KCNU1: variants seen among roughly 807,000 people sequenced by gnomAD.
KCNU1 encodes potassium calcium-activated channel subfamily U member 1, also known as potassium channel subfamily U member 1.
Under a neutral mutation model 126.8 loss-of-function variants are expected in KCNU1, and 93 were observed. That is an observed-to-expected ratio of 0.73 (90% CI 0.62 to 0.87). The LOEUF (loss-of-function observed/expected upper bound fraction) is 0.87, where lower values mean the gene tolerates loss of function less well. Among genes scored for constraint, KCNU1 ranks in the 40% least tolerant of loss-of-function variants. The pLI is 0.00. For missense variants in KCNU1, 1,330 were observed against 1,367.1 expected (o/e 0.97, Z 0.43); for synonymous variants, 523 against 494.2 (o/e 1.06, Z -0.77).
At chr8:36,849,054 A>G (rs964980290) in intron 18 of KCNU1, among the ~76,000 whole-genome samples, 1 of 152,156 alleles carries the variant, frequency 6.6e-6, no homozygotes, top group African/African-American at 2.4e-5. Context: ...CATCACTACA[A>G]TCAATTTTAG....
At chr8:36,928,675 G>A (rs1808604506) in intron 24 of KCNU1, among the ~76,000 whole-genome samples, 1 of 152,044 alleles carries the variant, frequency 6.6e-6, no homozygotes, top group Admixed American at 6.6e-5. Context: ...ATATTTATTT[G>A]TTAAAAATTA....
chr8:36,815,536 T>C (rs1803876738), intron 8 of KCNU1, 60 bp from the exon 9 acceptor site: 3 of 824,078 alleles, frequency 3.6e-6, no homozygotes, highest in Non-Finnish European at 5.8e-6. Context: ...AATCTTGAAA[T>C]TTTTGGAGTA....
intron 18 of KCNU1, among the ~76,000 whole-genome samples, chr8:36,859,821 C>T (rs2211728): frequency 0.11 from 16,800 of 152,050 alleles, 1,265 homozygotes; most frequent in Non-Finnish European, 0.16. Context: ...GAAATGTTGA[C>T]AATAACATTG....
chr8:36,932,028 A>G (rs1351136889), intron 25 of KCNU1, among the ~76,000 whole-genome samples: 1 of 152,086 alleles, frequency 6.6e-6, no homozygotes, highest in East Asian at 1.9e-4. Flanking sequence ...AGGCTGTTCC[A>G]AGGAAACATC....
intron 2 of KCNU1, chr8:36,795,638 C>G (rs907873609): frequency 4.6e-5 from 7 of 152,450 alleles, no homozygotes; most frequent in African/African-American, 1.4e-4. Flanking sequence ...TTCCCTGAGT[C>G]TGTGTCCTGA....
In KCNU1 at chr8:36,922,589, C is replaced by G. The variant is rs745941211; in HGVS notation, c.2696C>G (p.Thr899Ser). 1 of 1,613,694 alleles carries G rather than the reference C, an allele frequency of 6.2e-7. No individual in the cohort carries two copies. Among genetic ancestry groups the G allele is most frequent in the East Asian group, 2.2e-5 (1 of 44,824 alleles). The part of the protein sequence containing the change: ...LHLSTAFSTG[T>S]VFSGSFLDSL... ...CTCAGCACTGCCTTTTCTACGGGCA[C>G]TGTTTTTTCCGGCAGCTTCTTGGAT... Residue 899 changes from threonine (T) to serine (S), a missense_variant, in exon 24 of 27, where the codon ACT becomes AGT. Physicochemically the swap from Thr to Ser is moderately conservative, Grantham distance 58 (BLOSUM62 1). This residue lies in a region of KCNU1 where 1,054 missense variants were observed against 1,053.9 expected (regional missense o/e 1.00). Coordinates refer to ENST00000399881, the MANE Select transcript of KCNU1 (RefSeq NM_001031836.3).
intron 18 of KCNU1, among the ~76,000 whole-genome samples, chr8:36,857,518 CTG>C (rs1469545362): frequency 1.3e-5 from 2 of 152,178 alleles, no homozygotes; most frequent in Non-Finnish European, 2.9e-5. Flanking sequence ...AGGAAGCAGT[CTG>C]TGGTTCAAGT....
At chr8:36,927,184 T>A (rs1808561674) in intron 24 of KCNU1, among the ~76,000 whole-genome samples, 2 of 152,132 alleles carry the variant, frequency 1.3e-5, no homozygotes, top group Non-Finnish European at 2.9e-5. Context: ...TTCAGGCAAT[T>A]TTAAAAATTC....
chr8:36,864,536 G>A lies in KCNU1; in HGVS notation c.2009+15G>A, dbSNP rs1386463513. ...TTCACCACCAGGTAAAAGCTGCAGAGAACCCTGGTCTCCTATAGTTTTTTT... is the reference window on the plus strand; with the variant it reads ...TTCACCACCAGGTAAAAGCTGCAGAAAACCCTGGTCTCCTATAGTTTTTTT... On this transcript the variant is annotated intron_variant, in intron 19 of 26. Coordinates refer to ENST00000399881, the MANE Select transcript of KCNU1 (RefSeq NM_001031836.3). 2 of 1,451,490 alleles carry A rather than the reference G, an allele frequency of 1.4e-6. No homozygotes were observed. The highest frequency in any genetic ancestry group is 1.4e-5 in the African/African-American group (1 of 71,736). The allele number at this position is 1,451,490 out of a possible 1,614,324, so 89.9% of individuals were successfully genotyped here. A position where few individuals can be genotyped will look rare whatever the true frequency, so the allele number is the denominator to read the frequency against.
In KCNU1 at chr8:36,796,091, A is replaced by G. The variant is rs557187754; in HGVS notation, c.316-7936A>G. Reference sequence around the variant, plus strand: ...GTAATGCTCTTATTTTTATTGATGCATAATTCATCTTTTCAGTTGTTTAAA... The same window carrying G: ...GTAATGCTCTTATTTTTATTGATGCGTAATTCATCTTTTCAGTTGTTTAAA... On this transcript the variant is annotated intron_variant, in intron 2 of 26. Transcript: ENST00000399881. Among the ~76,000 whole-genome samples the G allele has an allele frequency of 7.9e-5, 12 of 152,336 alleles. No individual in the cohort carries two copies. The East Asian group carries it at 2.1e-3, about 27-fold the overall frequency.
In KCNU1 at chr8:36,916,353, AGAAG is replaced by A. The variant is rs143444267; in HGVS notation, c.2522-2453_2522-2450del. On this transcript the variant is annotated intron_variant, in intron 22 of 26. Coordinates refer to ENST00000399881, the MANE Select transcript of KCNU1 (RefSeq NM_001031836.3). ...AGGGAAGGGAAAGGAAAGGAAGAAA[AGAAG>A]GAAGGAAGGAAGGAAGACAGGGAGG... is the stretch of plus-strand genomic sequence containing the variant. Among the ~76,000 whole-genome samples, 1,109 of 149,298 alleles carry A rather than the reference AGAAG, an allele frequency of 7.4e-3. 11 individuals are homozygous for A. Among genetic ancestry groups the A allele is most frequent in the African/African-American group, 0.022 (879 of 40,592 alleles).
In KCNU1 at chr8:36,924,004, G is replaced by A. The variant is rs565725437; in HGVS notation, c.2736+1375G>A. Among the ~76,000 whole-genome samples, 4 of 152,314 alleles carry A rather than the reference G, an allele frequency of 2.6e-5. No individual in the cohort carries two copies. The East Asian group carries it at 7.7e-4, about 29-fold the overall frequency. On this transcript the variant is annotated intron_variant, in intron 24 of 26. Coordinates refer to ENST00000399881, the MANE Select transcript of KCNU1 (RefSeq NM_001031836.3). ...TTGACAGGAGGCTTTAGAGTAAGGAGCTATTATTCCTGGTGTCTATTATTT... is the reference window on the plus strand; with the variant it reads ...TTGACAGGAGGCTTTAGAGTAAGGAACTATTATTCCTGGTGTCTATTATTT...
chr8:36,806,385 G>A lies in KCNU1; in HGVS notation c.580+5G>A. 1 of 1,468,648 alleles carries A rather than the reference G, an allele frequency of 6.8e-7. No homozygotes were observed. Among genetic ancestry groups the A allele is most frequent in the East Asian group, 2.3e-5 (1 of 43,532 alleles). The allele number at this position is 1,468,648 out of a possible 1,614,324, so 91.0% of individuals were successfully genotyped here. ...ATTTGAAGAGCAATTGGCTAGGTAAGTGTGCTCTGGGAACGGGTAGCAATA... is the reference window on the plus strand; with the variant it reads ...ATTTGAAGAGCAATTGGCTAGGTAAATGTGCTCTGGGAACGGGTAGCAATA... On this transcript the variant is annotated splice_donor_5th_base_variant and intron_variant, in intron 5 of 26. Coordinates refer to ENST00000399881, the MANE Select transcript of KCNU1 (RefSeq NM_001031836.3).
chr8:36,866,763 GAATC>G (rs1171312804), intron 19 of KCNU1, among the ~76,000 whole-genome samples: 4 of 152,186 alleles, frequency 2.6e-5, no homozygotes, highest in South Asian at 2.1e-4. Flanking sequence ...CACATAAAAT[GAATC>G]AGAGGCCAAA....
intron 18 of KCNU1, among the ~76,000 whole-genome samples, chr8:36,853,882 G>A (rs147353562): frequency 1.1e-4 from 17 of 152,188 alleles, no homozygotes; most frequent in East Asian, 5.8e-4. Flanking sequence ...AAGGAATCCC[G>A]TTAGTATTTA....
intron 19 of KCNU1, 71 bp from the exon 20 acceptor site, chr8:36,905,636 GT>G: frequency 1.2e-6 from 1 of 844,212 alleles, no homozygotes; most frequent in African/African-American, 1.7e-5. Flanking sequence ...GCTCTAATGA[GT>G]TTTACATCTC....
intron 7 of KCNU1, among the ~76,000 whole-genome samples, chr8:36,813,606 C>G (rs1047212809): frequency 6.6e-6 from 1 of 150,582 alleles, no homozygotes; most frequent in African/African-American, 2.4e-5. Flanking sequence ...TCTGATAAAT[C>G]TAGTTTTCTT....
Position 36,928,971 on chromosome 8 carries a change from G to A in KCNU1, c.2737-1980G>A. ...TTCAGATGATCCAGATACATGAGAA[G>A]CAATGATAAAGAAAACAGAATTTAG... is the stretch of plus-strand genomic sequence containing the variant. On this transcript the variant is annotated intron_variant, in intron 24 of 26. Transcript: ENST00000399881. The A allele has an allele frequency of 4.3e-6, 3 of 697,578 alleles. No homozygotes were observed. The South Asian group carries it at 4.5e-5, about 10-fold the overall frequency. 43.2% of individuals were successfully genotyped at this position (697,578 alleles called of 1,614,324 possible). A position where few individuals can be genotyped will look rare whatever the true frequency, so the allele number is the denominator to read the frequency against.
chr8:36,847,458 CT>C (rs1379569397), intron 18 of KCNU1, among the ~76,000 whole-genome samples: 1 of 152,148 alleles, frequency 6.6e-6, no homozygotes, highest in Non-Finnish European at 1.5e-5. Flanking sequence ...TCCTGTCCAG[CT>C]GTAACATTGC....
Sources: allele counts gnomAD v4.1 joint callset (sites outside exome capture counted in the v4.1 genomes callset), GRCh38; gene constraint gnomAD v4.1.1; regional missense constraint gnomAD v4.1.1; transcripts MANE v1.5; gene names NCBI Gene and HGNC (gene_info 2026-07-23, HGNC 2026-07-21).